USP7: variants seen among roughly 807,000 people sequenced by gnomAD.
USP7 encodes the protein ubiquitin specific peptidase 7.
USP7 carries 9 observed loss-of-function variants against 162.9 expected under a neutral mutation model. That is an observed-to-expected ratio of 0.06 (90% CI 0.03 to 0.10). The LOEUF is 0.10. Ranked by LOEUF, USP7 falls within the 10% of genes least tolerant of loss-of-function variation. USP7 has a pLI of 1.00. For missense variants in USP7, 715 were observed against 1,373.7 expected (o/e 0.52, Z 7.58); for synonymous variants, 562 against 475.9 (o/e 1.18, Z -2.35).
intron 7 of USP7, 123 bp downstream of exon 7, chr16:8,916,903 A>G: frequency 8.7e-7 from 1 of 1,148,682 alleles, no homozygotes. Context: ...TTAAATGCTC[A>G]AGCCTCCCTA....
intron 1 of USP7, among the ~76,000 whole-genome samples, chr16:8,939,465 T>C (rs1223751214): frequency 2.6e-5 from 4 of 152,230 alleles, no homozygotes; most frequent in Non-Finnish European, 5.9e-5. Flanking sequence ...ATAGAGGAAA[T>C]TCACAAATAA....
chr16:8,915,165 TTTAAAAAAACA>T, intron 10 of USP7, 78 bp downstream of exon 10: 1 of 1,251,376 alleles, frequency 8.0e-7, no homozygotes, highest in Non-Finnish European at 1.1e-6. Flanking sequence ...GTTTAGACTA[TTTAAAAAAACA>T]TCACTTGTGT....
chr16:8,931,393 G>A (rs776292161), intron 1 of USP7, among the ~76,000 whole-genome samples: 19 of 152,072 alleles, frequency 1.2e-4, no homozygotes, highest in Non-Finnish European at 1.9e-4. Flanking sequence ...TCACCATGTC[G>A]GTCAACTGGT....
intron 26 of USP7, among the ~76,000 whole-genome samples, chr16:8,896,620 A>G (rs966834256): frequency 2.0e-5 from 3 of 152,200 alleles, no homozygotes; most frequent in African/African-American, 4.8e-5. Flanking sequence ...CACCCCTTCC[A>G]GTTTCAGTTC....
intron 10 of USP7, among the ~76,000 whole-genome samples, chr16:8,914,535 T>C (rs1246951655): frequency 2.0e-5 from 3 of 152,188 alleles, no homozygotes; most frequent in Admixed American, 6.5e-5. Context: ...TTGTGGTATA[T>C]TCTCAAAATG....
At chr16:8,925,107 G>A (rs1897918618) in intron 2 of USP7, among the ~76,000 whole-genome samples, 1 of 152,190 alleles carries the variant, frequency 6.6e-6, no homozygotes. Context: ...GTTAAGTTCT[G>A]CAAGGTAGAC....
At chr16:8,939,249 G>T (rs547508047) in intron 1 of USP7, among the ~76,000 whole-genome samples, 53 of 152,126 alleles carry the variant, frequency 3.5e-4, no homozygotes, top group African/African-American at 1.2e-3. Flanking sequence ...GCCCTGTTAC[G>T]ACCACCCACC....
intron 1 of USP7, among the ~76,000 whole-genome samples, chr16:8,932,620 AGAGAAAG>A (rs1174149920): frequency 3.9e-5 from 1 of 25,428 alleles, no homozygotes; most frequent in East Asian, 8.8e-3. Context: ...AATTTAAAAA[AGAGAAAG>A]AAAAGAAAAA....
At chr16:8,914,852 G>T (rs1013115078) in intron 10 of USP7, among the ~76,000 whole-genome samples, 1 of 152,144 alleles carries the variant, frequency 6.6e-6, no homozygotes, top group Non-Finnish European at 1.5e-5. Flanking sequence ...CCTGGAGTTC[G>T]AGGCTGCACT....
At chr16:8,931,897 G>A (rs1472305722) in intron 1 of USP7, among the ~76,000 whole-genome samples, 27 of 152,130 alleles carry the variant, frequency 1.8e-4, no homozygotes, top group Admixed American at 1.7e-3. Flanking sequence ...GCTTTCCCTG[G>A]TGCACTGGAC....
intron 1 of USP7, among the ~76,000 whole-genome samples, chr16:8,937,890 T>C (rs1596401787): frequency 1.3e-5 from 2 of 152,152 alleles, no homozygotes; most frequent in African/African-American, 4.8e-5. Context: ...CTTGCATCTA[T>C]GTGGGAGCAA....
intron 1 of USP7, chr16:8,962,449 T>C (rs966801447): frequency 2.2e-6 from 1 of 447,068 alleles, no homozygotes; most frequent in Non-Finnish European, 4.5e-6. Context: ...GGAAAATTAC[T>C]GCCACATCGG....
At chr16:8,912,552 G>A (rs1026957913) in intron 10 of USP7, among the ~76,000 whole-genome samples, 2 of 151,298 alleles carry the variant, frequency 1.3e-5, no homozygotes, top group African/African-American at 4.9e-5. Flanking sequence ...AATAGAAACA[G>A]ATGCAGAAAT....
intron 1 of USP7, among the ~76,000 whole-genome samples, chr16:8,930,827 G>A (rs1898285223): frequency 6.6e-6 from 1 of 152,088 alleles, no homozygotes; most frequent in Admixed American, 6.6e-5. Flanking sequence ...AAATTAGCTG[G>A]GTGTGGTGGC....
At chr16:8,920,902 T>C (rs1897655987) in intron 4 of USP7, among the ~76,000 whole-genome samples, 1 of 152,204 alleles carries the variant, frequency 6.6e-6, no homozygotes, top group Admixed American at 6.5e-5. Flanking sequence ...TCAAACAGCA[T>C]TATGTCTTTT....
chr16:8,962,771 G>A (rs776318940), intron 1 of USP7: 1 of 163,398 alleles, frequency 6.1e-6, no homozygotes, highest in African/African-American at 2.4e-5. Context: ...CCCTCCGGGG[G>A]AGCGCACCGG....
chr16:8,939,762 T>C (rs766468212), intron 1 of USP7, among the ~76,000 whole-genome samples: 15 of 152,228 alleles, frequency 9.9e-5, no homozygotes, highest in Admixed American at 5.2e-4. Flanking sequence ...GTAAGTTTAA[T>C]AACTCCAAAA....
chr16:8,930,701 G>T (rs988078240), intron 1 of USP7, among the ~76,000 whole-genome samples: 3 of 152,174 alleles, frequency 2.0e-5, no homozygotes, highest in South Asian at 2.1e-4. Context: ...AGACATGGTG[G>T]CTCATGCCTG....
intron 5 of USP7, among the ~76,000 whole-genome samples, chr16:8,920,025 A>G (rs1897602180): frequency 6.6e-6 from 1 of 152,120 alleles, no homozygotes; most frequent in South Asian, 2.1e-4. Context: ...CCCTGCCCTC[A>G]TCAAAGTAAC....
Sources: gnomAD v4.1 joint callset for allele counts (sites outside exome capture counted in the v4.1 genomes callset) on GRCh38, gnomAD v4.1.1 for gene constraint, MANE v1.5 for transcripts, NCBI Gene and HGNC (gene_info 2026-07-23, HGNC 2026-07-21) for gene names.